The following ERO1B variants were observed in gnomAD, a reference collection of about 807,000 sequenced individuals.
The protein encoded by ERO1B is endoplasmic reticulum oxidoreductase 1 beta.
Under a neutral mutation model 75.3 loss-of-function variants are expected in ERO1B, and 49 were observed. That is an observed-to-expected ratio of 0.65 (90% CI 0.52 to 0.83). ERO1B has a LOEUF of 0.83. Ranked by LOEUF, ERO1B falls within the 40% of genes least tolerant of loss-of-function variation. The pLI is 0.00. For synonymous variants in ERO1B, 191 were observed against 192.9 expected (o/e 0.99, Z 0.08); for missense variants, 512 against 560.1 (o/e 0.91, Z 0.87).
intron 6 of ERO1B, among the ~76,000 whole-genome samples, chr1:236,240,527 A>G (rs12026850): frequency 0.069 from 10,467 of 152,294 alleles, 749 homozygotes; most frequent in East Asian, 0.39. Context: ...AAGCTCTCAA[A>G]AAATTTTGAT....
chr1:236,239,087 A>G (rs1036936233), intron 6 of ERO1B, among the ~76,000 whole-genome samples: 1 of 152,126 alleles, frequency 6.6e-6, no homozygotes. Flanking sequence ...CACACAGCTC[A>G]ATTACATCAG....
intron 9 of ERO1B, among the ~76,000 whole-genome samples, chr1:236,230,766 A>G (rs1664388364): frequency 6.6e-6 from 1 of 152,064 alleles, no homozygotes; most frequent in South Asian, 2.1e-4. Flanking sequence ...TTTTACAAAT[A>G]TTTTGACTAT....
At chr1:236,245,342 GTATA>G (rs72030246) in intron 5 of ERO1B, among the ~76,000 whole-genome samples, 2,640 of 12,132 alleles carry the variant, frequency 0.22, 953 homozygotes, top group Non-Finnish European at 0.54. Flanking sequence ...ATATATATAC[GTATA>G]TATATACACA....
chr1:236,243,564 A>G, intron 5 of ERO1B, 69 bp from the exon 6 acceptor site: 1 of 973,534 alleles, frequency 1.0e-6, no homozygotes, highest in Non-Finnish European at 1.5e-6. Flanking sequence ...ACTGTATTCT[A>G]GTGTAATTAA....
At position 236,226,755 on chromosome 1, in the gene ERO1B, T is replaced by C. The variant is rs1664289871; in HGVS notation, c.713-16A>G. On this transcript the variant is annotated splice_polypyrimidine_tract_variant and intron_variant, in intron 10 of 15. Transcript: ENST00000354619. ...AGACACAAACCTATTCAGAAAAATA[T>C]TGAAAAAGAAATTACACCTATTTAG... The C allele has an allele frequency of 1.3e-6, 2 of 1,585,604 alleles. No individual in the cohort carries two copies. Among genetic ancestry groups the C allele is most frequent in the African/African-American group, 2.7e-5 (2 of 73,412 alleles).
intron 1 of ERO1B, among the ~76,000 whole-genome samples, chr1:236,281,047 A>G (rs1572076933): frequency 6.6e-6 from 1 of 151,982 alleles, no homozygotes; most frequent in South Asian, 2.1e-4. Context: ...ACAACGCCCC[A>G]CTCAGACCCC....
intron 2 of ERO1B, among the ~76,000 whole-genome samples, chr1:236,261,833 A>G (rs1020401953): frequency 6.6e-6 from 1 of 152,194 alleles, no homozygotes; most frequent in Non-Finnish European, 1.5e-5. Flanking sequence ...GCACTTTAGG[A>G]AGCAGAGGTG....
chr1:236,226,165 T>C, intron 12 of ERO1B, 104 bp downstream of exon 12: 1 of 1,115,648 alleles, frequency 9.0e-7, no homozygotes, highest in Non-Finnish European at 1.3e-6. Context: ...CTGTTCTACA[T>C]CTCCCCTCGG....
At chr1:236,223,532 G>C (rs1417902998) in intron 13 of ERO1B, among the ~76,000 whole-genome samples, 4 of 152,186 alleles carry the variant, frequency 2.6e-5, no homozygotes, top group Admixed American at 6.5e-5. Flanking sequence ...AAAAACTCCT[G>C]TGCTGGTCAT....
chr1:236,272,703 C>A (rs1041323230), intron 1 of ERO1B, among the ~76,000 whole-genome samples: 2 of 152,178 alleles, frequency 1.3e-5, no homozygotes, highest in Non-Finnish European at 2.9e-5. Flanking sequence ...ATTACATCTA[C>A]CTCCCTCTCC....
chr1:236,279,680 A>AC (rs373887157), intron 1 of ERO1B, among the ~76,000 whole-genome samples: 22,165 of 148,384 alleles, frequency 0.15, 1,907 homozygotes, highest in Admixed American at 0.21. Context: ...AAAAAAAAAA[A>AC]ACACACACAC....
chr1:236,262,965 C>G (rs777302215), intron 2 of ERO1B, among the ~76,000 whole-genome samples: 11 of 152,090 alleles, frequency 7.2e-5, no homozygotes, highest in Non-Finnish European at 5.9e-5. Context: ...GATATAAAGG[C>G]CTATACCTCT....
chr1:236,239,861 A>ATATATATGTGTATATATATATG lies in ERO1B; in HGVS notation c.506-3464_506-3463insCATATATATATACACATATATA, dbSNP rs1664648228. Among the ~76,000 whole-genome samples the ATATATATGTGTATATATATATG allele has an allele frequency of 9.9e-4, 27 of 27,164 alleles. 1 individual carries two copies. The highest frequency in any genetic ancestry group is 5.3e-4 in the Non-Finnish European group (9 of 17,142). The allele number at this position is 27,164 out of a possible 152,430, so 17.8% of individuals were successfully genotyped here. ...TGTATATATATATGTGTATATATGT[A>ATATATATGTGTATATATATATG]TATATATATGTGTATATGTGTGTGT... is the stretch of plus-strand genomic sequence containing the variant. On this transcript the variant is annotated intron_variant, in intron 6 of 15. Coordinates refer to ENST00000354619, the MANE Select transcript of ERO1B (RefSeq NM_019891.4).
chr1:236,239,851 GTA>G lies in ERO1B; in HGVS notation c.506-3455_506-3454del, dbSNP rs1192575122. On this transcript the variant is annotated intron_variant, in intron 6 of 15. Coordinates refer to ENST00000354619, the MANE Select transcript of ERO1B (RefSeq NM_019891.4). Reference sequence around the variant, plus strand: ...TATATATATGTGTATATATATATGTGTATATATGTATATATATATGTGTATAT... The same window carrying G: ...TATATATATGTGTATATATATATGTGTATATGTATATATATATGTGTATAT... 3.3e-5 allele frequency among the ~76,000 whole-genome samples: 2 copies of G among 61,044 alleles called. 1 individual carries two copies. Among genetic ancestry groups the G allele is most frequent in the Admixed American group, 4.4e-4 (2 of 4,512 alleles). The allele number at this position is 61,044 out of a possible 152,430, so 40.0% of individuals were successfully genotyped here. A position where few individuals can be genotyped will look rare whatever the true frequency, so the allele number is the denominator to read the frequency against.
chr1:236,267,684 A>G (rs528924525), intron 2 of ERO1B: 1 of 152,350 alleles, frequency 6.6e-6, no homozygotes, highest in South Asian at 2.1e-4. Context: ...ATATAGTTCA[A>G]TGTTATGGTA....
intron 10 of ERO1B, among the ~76,000 whole-genome samples, chr1:236,229,377 A>G (rs890596024): frequency 7.9e-5 from 12 of 152,030 alleles, no homozygotes; most frequent in Middle Eastern, 3.4e-3. Flanking sequence ...GTGAGCCGAG[A>G]TGGCGCCACT....
chr1:236,257,795 A>AG (rs1354563876), intron 2 of ERO1B, among the ~76,000 whole-genome samples: 1 of 151,386 alleles, frequency 6.6e-6, no homozygotes, highest in Non-Finnish European at 1.5e-5. Context: ...AATTCAGTAG[A>AG]GGGGTCCAAC....
chr1:236,261,220 A>G (rs1462327022), intron 2 of ERO1B, among the ~76,000 whole-genome samples: 1 of 152,212 alleles, frequency 6.6e-6, no homozygotes, highest in Admixed American at 6.5e-5. Flanking sequence ...TGAAAACTGA[A>G]AAGCTTTTCC....
intron 5 of ERO1B, 109 bp from the exon 6 acceptor site, chr1:236,243,604 A>G (rs1015521907): frequency 4.6e-6 from 3 of 645,792 alleles, no homozygotes; most frequent in Non-Finnish European, 5.0e-6. Flanking sequence ...GTTAAAGATT[A>G]GATGATGTCA....
Sources: allele counts gnomAD v4.1 joint callset (sites outside exome capture counted in the v4.1 genomes callset), GRCh38; gene constraint gnomAD v4.1.1; transcripts MANE v1.5; gene names NCBI Gene and HGNC (gene_info 2026-07-23, HGNC 2026-07-21).